Variants in PLEKHG3 observed in about 807,000 individuals in gnomAD.
PLEKHG3 encodes pleckstrin homology and RhoGEF domain containing G3.
Under a neutral mutation model 94.9 loss-of-function variants are expected in PLEKHG3, and 62 were observed. The observed-to-expected ratio is 0.65, with a 90% CI of 0.53 to 0.81. The LOEUF (loss-of-function observed/expected upper bound fraction) is 0.81, where lower values mean the gene tolerates loss of function less well. Among genes scored for constraint, PLEKHG3 ranks in the 30% least tolerant of loss-of-function variants. The pLI is 0.00. For synonymous variants in PLEKHG3, 614 were observed against 654.0 expected (o/e 0.94, Z 0.93); for missense variants, 1,461 against 1,619.3 (o/e 0.90, Z 1.68).
In PLEKHG3 at chr14:64,738,209, C is replaced by T; in HGVS notation, c.1405-533C>T. 1.6e-6 allele frequency: 2 copies of T among 1,288,760 alleles called. No individual in the cohort carries two copies. The highest frequency in any genetic ancestry group is 2.6e-4 in the Middle Eastern group (1 of 3,784). The allele number at this position is 1,288,760 out of a possible 1,614,324, so 79.8% of individuals were successfully genotyped here. On this transcript the variant is annotated intron_variant, in intron 14 of 16. Coordinates refer to ENST00000247226, the MANE Select transcript of PLEKHG3 (RefSeq NM_001308147.2). This position sits in a 1 kb window ranked among gnomAD's most constrained non-coding sequence, Gnocchi z 4.8. The stretch of plus-strand genomic sequence containing the variant: ...ACTATCGGGCCAACGCTTTACTTTT[C>T]TCCCGGGGCGCTATGGTGAGGTGTC...
chr14:64,735,215 C>T (rs543069736), intron 12 of PLEKHG3, among the ~76,000 whole-genome samples: 6 of 152,148 alleles, frequency 3.9e-5, no homozygotes, highest in East Asian at 1.9e-4. Flanking sequence ...TTTGGTGTGT[C>T]GTGCCCCTCT....
At chr14:64,740,253 A>C (rs2081660380) in intron 15 of PLEKHG3, among the ~76,000 whole-genome samples, 1 of 150,976 alleles carries the variant, frequency 6.6e-6, no homozygotes, top group Admixed American at 6.6e-5. Context: ...CTGAACTAGA[A>C]CAGAAGGAAT....
Position 64,741,637 on chromosome 14 carries a change from C to T in PLEKHG3, c.2120C>T (p.Ser707Leu), listed in dbSNP as rs770177706. 3.5e-5 allele frequency: 57 copies of T among 1,612,872 alleles called. No homozygotes were observed. The East Asian group carries it at 1.3e-3, about 36-fold the overall frequency. The change falls in exon 16 of 17, where the codon TCA becomes TTA. Residue 707 changes from serine to leucine, a missense_variant. Ser to Leu is a moderately radical substitution (Grantham distance 145). Coordinates refer to ENST00000247226, the MANE Select transcript of PLEKHG3 (RefSeq NM_001308147.2). ...CGGTCTTCCTGCAAGAAGAAGGAAT[C>T]AGCACTCTCCACCCGAGACCGGCTG... ...PDRSSCKKKE[S>L]ALSTRDRLLL...
chr14:64,738,848 T>G lies in PLEKHG3; in HGVS notation c.1511T>G (p.Leu504Arg), dbSNP rs773071203. The G allele has an allele frequency of 3.2e-6, 5 of 1,575,264 alleles. No homozygotes were observed. The highest frequency in any genetic ancestry group is 4.3e-6 in the Non-Finnish European group (5 of 1,157,976). ...KRMSFESISS[L>R]PEVEPDPEAG... ...ATGAGCTTCGAGTCCATTTCTTCCC[T>G]GCCAGAGGTGAGCGACCAGCAGGTG... Residue 504 changes from leucine to arginine, a missense_variant, in exon 15 of 17, where the codon CTG (leucine) becomes CGG (arginine). This residue lies in a region of PLEKHG3 where 1,201 missense variants were observed against 1,295.5 expected (regional missense o/e 0.93). Transcript: ENST00000247226. This position sits in a 1 kb window ranked among gnomAD's most constrained non-coding sequence, Gnocchi z 4.8.
rs1162355661 is a variant in PLEKHG3, at chr14:64,721,538, G to A, written c.-39-6055G>A. ...TTAGGTGGTGGGAAAATGCATTCCT[G>A]AGGGAAAATGAATTTGAACCAGCTG... On this transcript the variant is annotated intron_variant, in intron 1 of 16. Transcript: ENST00000247226. The surrounding 1 kb of genome is among the most constrained non-coding windows in gnomAD (Gnocchi z 4.3). Among the ~76,000 whole-genome samples, 1 of 152,206 alleles carries A rather than the reference G, an allele frequency of 6.6e-6. No homozygotes were observed. Among genetic ancestry groups the A allele is most frequent in the Non-Finnish European group, 1.5e-5 (1 of 68,034 alleles).
rs1316643187 is a variant in PLEKHG3, at chr14:64,728,196, A to G, written c.351+214A>G. On this transcript the variant is annotated intron_variant, in intron 2 of 16. Coordinates refer to ENST00000247226, the MANE Select transcript of PLEKHG3 (RefSeq NM_001308147.2). The surrounding 1 kb of genome is among the most constrained non-coding windows in gnomAD (Gnocchi z 5.9). ...GGGCCGACAGGAGTGAGCATCGTTG[A>G]TAGGGTGGATCCCCAGCCTGCCTGG... Among the ~76,000 whole-genome samples the G allele has an allele frequency of 6.6e-6, 1 of 152,178 alleles. No individual in the cohort carries two copies. Among genetic ancestry groups the G allele is most frequent in the African/African-American group, 2.4e-5 (1 of 41,452 alleles).
chr14:64,749,743 G>A lies in PLEKHG3; in HGVS notation c.*6040G>A, dbSNP rs779638446. 8.1e-6 allele frequency: 13 copies of A among 1,603,904 alleles called. No homozygotes were observed. In the East Asian group the frequency reaches 1.6e-4, roughly 19 times the overall value. Reference sequence around the variant, plus strand: ...TGTCATGGAGACACCTCTGGAGGGGGCGCTGGGCAGAGGGCTGGCTCTGAT... The same window carrying A: ...TGTCATGGAGACACCTCTGGAGGGGACGCTGGGCAGAGGGCTGGCTCTGAT... On this transcript the variant is annotated 3_prime_UTR_variant, in exon 17 of 17. Coordinates refer to ENST00000247226, the MANE Select transcript of PLEKHG3 (RefSeq NM_001308147.2). This position sits in a 1 kb window ranked among gnomAD's most constrained non-coding sequence, Gnocchi z 4.7.
intron 1 of PLEKHG3, among the ~76,000 whole-genome samples, chr14:64,710,908 G>T (rs2081058128): frequency 6.6e-6 from 1 of 151,982 alleles, no homozygotes; most frequent in Non-Finnish European, 1.5e-5. Flanking sequence ...TGCTTTGCTG[G>T]TAATTGTGAC....
At chr14:64,714,088 C>T (rs926537499) in intron 1 of PLEKHG3, among the ~76,000 whole-genome samples, 1 of 152,048 alleles carries the variant, frequency 6.6e-6, no homozygotes, top group African/African-American at 2.4e-5. Flanking sequence ...TCTTTAATTT[C>T]TAGTTCTTTG....
rs1230407943 is a variant in PLEKHG3 at position 64,737,391 on chromosome 14, A to C, written c.1404+16A>C. ...AGGAATGAAGGTAAAGGCCAGTGGG[A>C]GGAGGGGACTGGCTGACAGAGGAGG... On this transcript the variant is annotated intron_variant, in intron 14 of 16. Transcript: ENST00000247226. 6.4e-7 allele frequency: 1 copy of C among 1,574,264 alleles called. No homozygotes were observed. The highest frequency in any genetic ancestry group is 1.2e-5 in the South Asian group (1 of 84,516).
Position 64,730,610 on chromosome 14 carries a change from C to T in PLEKHG3, c.520-32C>T, listed in dbSNP as rs778972494. The T allele has an allele frequency of 2.5e-6, 4 of 1,576,514 alleles. No homozygotes were observed. Among genetic ancestry groups the T allele is most frequent in the Non-Finnish European group, 3.5e-6 (4 of 1,146,038 alleles). ...CATCTTTACTGTCAAATGAGAATCT[C>T]CCTGAAATCACTATTTTTGATCTCT... On this transcript the variant is annotated intron_variant, in intron 4 of 16. Transcript: ENST00000247226. The surrounding 1 kb of genome is among the most constrained non-coding windows in gnomAD (Gnocchi z 5.4).
chr14:64,742,154 C>T lies in PLEKHG3; in HGVS notation c.2637C>T (p.His879=), dbSNP rs1208122445. 1.9e-6 allele frequency: 3 copies of T among 1,612,034 alleles called. No individual in the cohort carries two copies. The African/African-American group carries it at 4.0e-5, about 22-fold the overall frequency. The change falls in exon 16 of 17, where the codon CAC becomes CAT. Residue 879 remains histidine (H), a synonymous_variant. Coordinates refer to ENST00000247226, the MANE Select transcript of PLEKHG3 (RefSeq NM_001308147.2). ...SSPTEGRSPA[H]LARELKELVK... The stretch of plus-strand genomic sequence containing the variant: ...CCACTGAGGGGCGCAGCCCGGCCCA[C>T]CTGGCCCGGGAGCTGAAAGAGCTGG...
In PLEKHG3 at chr14:64,743,430, C is replaced by T. The variant is rs765138276; in HGVS notation, c.3387C>T (p.Thr1129=). The T allele has an allele frequency of 6.2e-7, 1 of 1,612,824 alleles. No individual in the cohort carries two copies. Residue 1129 remains threonine (T), a synonymous_variant, in exon 17 of 17, where the codon ACC becomes ACT. Coordinates refer to ENST00000247226, the MANE Select transcript of PLEKHG3 (RefSeq NM_001308147.2). This position sits in a 1 kb window ranked among gnomAD's most constrained non-coding sequence, Gnocchi z 7.2. ...LPQSKPDGGE[T]LYVTADLTLE... is the part of the protein sequence containing the mutation. ...AGAGCAAGCCGGATGGAGGCGAGAC[C>T]CTGTATGTCACTGCAGACCTCACCC... is the stretch of plus-strand genomic sequence containing the variant.
chr14:64,749,168 G>T lies in PLEKHG3; in HGVS notation c.*5465G>T. 2.9e-6 allele frequency: 3 copies of T among 1,041,440 alleles called. No individual in the cohort carries two copies. Among genetic ancestry groups the T allele is most frequent in the Non-Finnish European group, 4.1e-6 (3 of 727,156 alleles). The allele number at this position is 1,041,440 out of a possible 1,614,324, so 64.5% of individuals were successfully genotyped here. Reference sequence around the variant, plus strand: ...CGCGGGCGAAGGCAGCTTTTGCAGTGCAGCGTGGGGCCCGGGGGCCCGGCC... The same window carrying T: ...CGCGGGCGAAGGCAGCTTTTGCAGTTCAGCGTGGGGCCCGGGGGCCCGGCC... On this transcript the variant is annotated 3_prime_UTR_variant, in exon 17 of 17. Coordinates refer to ENST00000247226, the MANE Select transcript of PLEKHG3 (RefSeq NM_001308147.2). The surrounding 1 kb of genome is among the most constrained non-coding windows in gnomAD (Gnocchi z 4.7).
In PLEKHG3 at chr14:64,732,361, G is replaced by A; in HGVS notation, c.1213-66G>A. The A allele has an allele frequency of 6.9e-7, 1 of 1,456,416 alleles. No individual in the cohort carries two copies. The highest frequency in any genetic ancestry group is 9.6e-7 in the Non-Finnish European group (1 of 1,036,388). The allele number at this position is 1,456,416 out of a possible 1,614,324, so 90.2% of individuals were successfully genotyped here. A position where few individuals can be genotyped will look rare whatever the true frequency, so the allele number is the denominator to read the frequency against. On this transcript the variant is annotated intron_variant, in intron 10 of 16. Coordinates refer to ENST00000247226, the MANE Select transcript of PLEKHG3 (RefSeq NM_001308147.2). This position sits in a 1 kb window ranked among gnomAD's most constrained non-coding sequence, Gnocchi z 4.9. ...GGGTGTCCTCGTACAGCAACAGTGG[G>A]TCCTATGGGCAGGGAAGGCCGGCAC...
At chr14:64,712,036 A>C (rs1213982225) in intron 1 of PLEKHG3, among the ~76,000 whole-genome samples, 1 of 152,188 alleles carries the variant, frequency 6.6e-6, no homozygotes, top group African/African-American at 2.4e-5. Flanking sequence ...AGGTGTCCAG[A>C]TTCATTCTTT....
At chr14:64,707,734 C>T (rs229661) in intron 1 of PLEKHG3, among the ~76,000 whole-genome samples, 25,407 of 152,226 alleles carry the variant, frequency 0.17, 2,457 homozygotes, top group South Asian at 0.22. Context: ...TAACTTGAAG[C>T]CCAGTTCATC....
At position 64,738,212 on chromosome 14, in the gene PLEKHG3, C is replaced by A; in HGVS notation, c.1405-530C>A. 7.8e-7 allele frequency: 1 copy of A among 1,288,584 alleles called. No homozygotes were observed. The highest frequency in any genetic ancestry group is 1.2e-5 in the South Asian group (1 of 80,986). The allele number at this position is 1,288,584 out of a possible 1,614,324, so 79.8% of individuals were successfully genotyped here. On this transcript the variant is annotated intron_variant, in intron 14 of 16. Coordinates refer to ENST00000247226, the MANE Select transcript of PLEKHG3 (RefSeq NM_001308147.2). This position sits in a 1 kb window ranked among gnomAD's most constrained non-coding sequence, Gnocchi z 4.8. ...ATCGGGCCAACGCTTTACTTTTCTC[C>A]CGGGGCGCTATGGTGAGGTGTCTCT...
chr14:64,741,783 A>G lies in PLEKHG3; in HGVS notation c.2266A>G (p.Arg756Gly). 5 of 1,613,462 alleles carry G rather than the reference A, an allele frequency of 3.1e-6. No homozygotes were observed. Among genetic ancestry groups the G allele is most frequent in the Non-Finnish European group, 4.2e-6 (5 of 1,180,032 alleles). ...AGGACTGGTAAGAAACTCCATCTCC[A>G]GGTTCAACAGCCTTCCCCGGCCAGA... ...PKGLVRNSIS[R>G]FNSLPRPDPE... Residue 756 changes from arginine (R) to glycine (G), a missense_variant, in exon 16 of 17, where the codon AGG becomes GGG. Arg to Gly is a moderately radical substitution (Grantham distance 125). Around this residue, in one of 3 missense-constraint regions of PLEKHG3, gnomAD observed 1,201 missense variants for 1,295.5 expected, o/e 0.93. Coordinates refer to ENST00000247226, the MANE Select transcript of PLEKHG3 (RefSeq NM_001308147.2).
Sources: allele counts gnomAD v4.1 joint callset (sites outside exome capture counted in the v4.1 genomes callset), GRCh38; gene constraint gnomAD v4.1.1; regional missense constraint gnomAD v4.1.1; non-coding constraint Gnocchi (gnomAD v3.1); transcripts MANE v1.5; gene names NCBI Gene and HGNC (gene_info 2026-07-23, HGNC 2026-07-21).